Variants in PIBF1 observed in about 807,000 individuals in gnomAD.
The protein encoded by PIBF1 is progesterone immunomodulatory binding factor 1.
PIBF1 carries 90 observed loss-of-function variants against 112.5 expected under a neutral mutation model. The ratio of observed to expected loss-of-function variants is 0.80; its 90% confidence interval spans 0.67 to 0.95. The LOEUF (loss-of-function observed/expected upper bound fraction) is 0.95. PIBF1 is among the 40% of genes least tolerant of loss of function. The pLI is 0.00. For missense variants in PIBF1, 915 were observed against 852.3 expected (o/e 1.07, Z -0.92); for synonymous variants, 301 against 288.6 (o/e 1.04, Z -0.44).
Position 72,792,440 on chromosome 13 carries a change from T to C in PIBF1, c.253-7T>C. ...ATCATATAATTTATCTTTTTCTCTT[T>C]ACGAAGATTGAAGAATTGGAGGAGA... On this transcript the variant is annotated splice_region_variant and splice_polypyrimidine_tract_variant and intron_variant, in intron 2 of 17. Coordinates refer to ENST00000326291, the MANE Select transcript of PIBF1 (RefSeq NM_006346.4). The C allele has an allele frequency of 6.7e-7, 1 of 1,484,416 alleles. No individual in the cohort carries two copies. The highest frequency in any genetic ancestry group is 9.2e-7 in the Non-Finnish European group (1 of 1,090,846). The allele number at this position is 1,484,416 out of a possible 1,614,324, so 92.0% of individuals were successfully genotyped here. A position where few individuals can be genotyped will look rare whatever the true frequency, so the allele number is the denominator to read the frequency against.
Position 72,790,508 on chromosome 13 carries a change from CACATAGATAGAT to C in PIBF1, c.253-1937_253-1926del, listed in dbSNP as rs766008649. Among the ~76,000 whole-genome samples, 4 of 132,320 alleles carry C rather than the reference CACATAGATAGAT, an allele frequency of 3.0e-5. No individual in the cohort carries two copies. In the Admixed American group the frequency reaches 3.2e-4, roughly 11 times the overall value. 86.8% of individuals were successfully genotyped at this position (132,320 alleles called of 152,430 possible). A position where few individuals can be genotyped will look rare whatever the true frequency, so the allele number is the denominator to read the frequency against. ...CACCCTTATAGATAGATCACACACA[CACATAGATAGAT>C]AGATAGATAGATAGATAGATAGATA... is the stretch of plus-strand genomic sequence containing the variant. On this transcript the variant is annotated intron_variant, in intron 2 of 17. Coordinates refer to ENST00000326291, the MANE Select transcript of PIBF1 (RefSeq NM_006346.4).
intron 14 of PIBF1, among the ~76,000 whole-genome samples, chr13:72,949,652 G>A (rs2042246322): frequency 6.6e-6 from 1 of 152,130 alleles, no homozygotes; most frequent in African/African-American, 2.4e-5. Flanking sequence ...ACCATGACCT[G>A]TAGTATGAAG....
chr13:73,013,848 T>C (rs1481066758), intron 17 of PIBF1, among the ~76,000 whole-genome samples: 1 of 151,214 alleles, frequency 6.6e-6, no homozygotes, highest in Admixed American at 6.6e-5. Flanking sequence ...TCAGAAACAA[T>C]GCAAGCAAGG....
In PIBF1 at chr13:72,998,810, A is replaced by C. The variant is rs779394486; in HGVS notation, c.2050-12A>C. On this transcript the variant is annotated splice_polypyrimidine_tract_variant and intron_variant, in intron 16 of 17. Coordinates refer to ENST00000326291, the MANE Select transcript of PIBF1 (RefSeq NM_006346.4). ...ACTCTTGCTACTTTCTTCTGTTTTC[A>C]TATATCAACAGGAATTGGCAGCAAT... The C allele has an allele frequency of 3.4e-5, 54 of 1,601,040 alleles. 1 individual carries two copies. The South Asian group carries it at 5.9e-4, about 18-fold the overall frequency.
intron 5 of PIBF1, among the ~76,000 whole-genome samples, chr13:72,811,425 A>G (rs1462237590): frequency 1.3e-5 from 2 of 151,992 alleles, no homozygotes; most frequent in African/African-American, 4.8e-5. Flanking sequence ...GGGAAACCCC[A>G]TCTCTACTAA....
At chr13:73,004,677 G>A (rs539693823) in intron 17 of PIBF1, among the ~76,000 whole-genome samples, 26 of 152,014 alleles carry the variant, frequency 1.7e-4, no homozygotes, top group African/African-American at 5.8e-4. Flanking sequence ...CTTTCCCATA[G>A]TACAAAAGGG....
intron 10 of PIBF1, among the ~76,000 whole-genome samples, chr13:72,864,707 A>T (rs2038850923): frequency 1.3e-5 from 2 of 152,194 alleles, no homozygotes; most frequent in Admixed American, 1.3e-4. Flanking sequence ...ATCAACTCAT[A>T]AAAACTAAAG....
intron 16 of PIBF1, among the ~76,000 whole-genome samples, chr13:72,977,053 A>AT (rs1225592617): frequency 7.2e-5 from 11 of 152,192 alleles, no homozygotes; most frequent in Admixed American, 2.0e-4. Flanking sequence ...AAATTATCTG[A>AT]TACCAGTCTG....
intron 5 of PIBF1, among the ~76,000 whole-genome samples, chr13:72,804,022 C>T (rs924515481): frequency 6.6e-6 from 1 of 152,032 alleles, no homozygotes; most frequent in African/African-American, 2.4e-5. Context: ...ATGTTTCTTT[C>T]CTCTTCAGTC....
At chr13:72,801,923 T>C (rs1397488194) in intron 5 of PIBF1, among the ~76,000 whole-genome samples, 1 of 152,198 alleles carries the variant, frequency 6.6e-6, no homozygotes, top group Non-Finnish European at 1.5e-5. Flanking sequence ...GGAGAGACCA[T>C]TAATTTTGTA....
At chr13:72,970,856 A>G (rs1002364242) in intron 15 of PIBF1, 1 of 152,138 alleles carries the variant, frequency 6.6e-6, no homozygotes, top group Non-Finnish European at 1.5e-5. Flanking sequence ...GTTCGAGTAT[A>G]TTATAAAGAA....
chr13:72,931,403 T>C (rs2041692776), intron 14 of PIBF1, 136 bp downstream of exon 14: 2 of 688,234 alleles, frequency 2.9e-6, no homozygotes, highest in African/African-American at 3.7e-5. Flanking sequence ...TGAAACTAAC[T>C]GAATGTTAAG....
At chr13:72,851,121 C>T (rs1039640863) in intron 9 of PIBF1, among the ~76,000 whole-genome samples, 8 of 152,146 alleles carry the variant, frequency 5.3e-5, no homozygotes, top group Admixed American at 6.6e-5. Context: ...GTGGGGGAGG[C>T]GCGTCCAGGG....
intron 10 of PIBF1, chr13:72,884,311 A>G (rs944751993): frequency 2.6e-4 from 39 of 152,180 alleles, no homozygotes; most frequent in African/African-American, 8.9e-4. Flanking sequence ...AATGCCTTTA[A>G]AGTTCATCAC....
intron 9 of PIBF1, among the ~76,000 whole-genome samples, chr13:72,839,810 G>A (rs893865079): frequency 1.1e-4 from 16 of 152,264 alleles, no homozygotes; most frequent in Non-Finnish European, 1.9e-4. Flanking sequence ...GTAAGGCTGT[G>A]TGGGGAAACA....
intron 15 of PIBF1, among the ~76,000 whole-genome samples, chr13:72,965,758 T>C (rs1216519663): frequency 6.6e-6 from 1 of 152,210 alleles, no homozygotes; most frequent in Non-Finnish European, 1.5e-5. Flanking sequence ...GCCATTTGTG[T>C]CGTTAAAATG....
chr13:72,786,420 G>T (rs1345965920), intron 2 of PIBF1, among the ~76,000 whole-genome samples: 1 of 152,068 alleles, frequency 6.6e-6, no homozygotes, highest in African/African-American at 2.4e-5. Context: ...ATGTATTCTT[G>T]AGAATGTGTA....
chr13:72,784,872 TG>T (rs2034511014), intron 2 of PIBF1, among the ~76,000 whole-genome samples: 1 of 152,180 alleles, frequency 6.6e-6, no homozygotes, highest in Non-Finnish European at 1.5e-5. Flanking sequence ...GGTATTTTGT[TG>T]TTTTTTGTTG....
chr13:72,938,025 T>C (rs2041917449), intron 14 of PIBF1, among the ~76,000 whole-genome samples: 1 of 152,174 alleles, frequency 6.6e-6, no homozygotes, highest in Non-Finnish European at 1.5e-5. Flanking sequence ...ATGAATTCTG[T>C]TTCTGTATAT....
Sources: gnomAD v4.1 joint callset for allele counts (sites outside exome capture counted in the v4.1 genomes callset) on GRCh38, gnomAD v4.1.1 for gene constraint, MANE v1.5 for transcripts, NCBI Gene and HGNC (gene_info 2026-07-23, HGNC 2026-07-21) for gene names.